WLS: variants seen among roughly 807,000 people sequenced by gnomAD.
The protein encoded by WLS is protein wntless homolog.
A neutral mutation model predicts 62.8 loss-of-function variants in WLS; 23 were observed. That is an observed-to-expected ratio of 0.37 (90% CI 0.26 to 0.52). The LOEUF (loss-of-function observed/expected upper bound fraction) is 0.52. Among genes scored for constraint, WLS ranks in the 20% least tolerant of loss-of-function variants. The probability of loss-of-function intolerance (pLI) is 0.92; values close to 1 mark genes in which losing one functional copy is unlikely to be tolerated. For missense variants in WLS, 615 were observed against 697.3 expected, an observed-to-expected ratio of 0.88 and a Z score of 1.33; for synonymous variants, 246 against 244.1, an observed-to-expected ratio of 1.01 and a Z score of -0.07.
intron 11 of WLS, among the ~76,000 whole-genome samples, chr1:68,101,745 G>A (rs1208269936): frequency 6.6e-6 from 1 of 152,144 alleles, no homozygotes; most frequent in East Asian, 1.9e-4. Flanking sequence ...GTCTCCCAAT[G>A]GTGAAAGTTC....
chr1:68,163,744 G>A (rs1647021146), intron 2 of WLS, among the ~76,000 whole-genome samples: 1 of 152,102 alleles, frequency 6.6e-6, no homozygotes, highest in Non-Finnish European at 1.5e-5. Flanking sequence ...CAGCCTTGAA[G>A]AAGTCTCAGT....
chr1:68,231,813 T>G, intron 1 of WLS: 1 of 462,250 alleles, frequency 2.2e-6, no homozygotes. Context: ...CCGGAGCTGA[T>G]TGGAAGGGAA....
chr1:68,155,055 G>A (rs1646877113), intron 4 of WLS, 44 bp downstream of exon 4: 1 of 1,587,198 alleles, frequency 6.3e-7, no homozygotes, highest in Non-Finnish European at 8.6e-7. Flanking sequence ...GTGAGATGGA[G>A]TTCCCCTCCA....
chr1:68,187,071 G>A, intron 2 of WLS, among the ~76,000 whole-genome samples: 1 of 151,376 alleles, frequency 6.6e-6, no homozygotes, highest in East Asian at 1.9e-4. Context: ...AATTAGCCGG[G>A]CGTGGTGGCA....
chr1:68,158,755 C>T (rs536521049), intron 3 of WLS, among the ~76,000 whole-genome samples: 2 of 152,314 alleles, frequency 1.3e-5, no homozygotes, highest in East Asian at 3.9e-4. Flanking sequence ...ACTCTTATCT[C>T]ATCTTGCAGA....
chr1:68,108,711 A>G (rs553810914), intron 11 of WLS, among the ~76,000 whole-genome samples: 6 of 152,322 alleles, frequency 3.9e-5, no homozygotes, highest in South Asian at 2.1e-4. Context: ...TAATAGCCAC[A>G]TGGAGCTAAT....
chr1:68,123,448 T>G (rs1646387508), downstream of WLS, among the ~76,000 whole-genome samples: 1 of 151,948 alleles, frequency 6.6e-6, no homozygotes, highest in South Asian at 2.1e-4. Flanking sequence ...GTCATCTGCT[T>G]GATGTTTTAC....
chr1:68,193,043 A>C (rs1323746026), intron 2 of WLS, among the ~76,000 whole-genome samples: 1 of 151,518 alleles, frequency 6.6e-6, no homozygotes, highest in Non-Finnish European at 1.5e-5. Context: ...CGGGAGGCGG[A>C]GATTGCAGTA....
At chr1:68,212,354 G>A (rs1649549676) in intron 1 of WLS, among the ~76,000 whole-genome samples, 1 of 152,082 alleles carries the variant, frequency 6.6e-6, no homozygotes, top group African/African-American at 2.4e-5. Context: ...TAAACCTTCT[G>A]GTCAATTCAC....
At chr1:68,172,924 G>A (rs1246706374) in intron 2 of WLS, among the ~76,000 whole-genome samples, 1 of 152,196 alleles carries the variant, frequency 6.6e-6, no homozygotes, top group Non-Finnish European at 1.5e-5. Flanking sequence ...CTTGCCCTGA[G>A]TGCTGCAGCA....
chr1:68,187,898 G>A (rs1227005438), intron 2 of WLS, among the ~76,000 whole-genome samples: 1 of 151,408 alleles, frequency 6.6e-6, no homozygotes, highest in Admixed American at 6.6e-5. Flanking sequence ...TTTCAATTTT[G>A]GTGGTATAAT....
intron 11 of WLS, among the ~76,000 whole-genome samples, chr1:68,109,342 A>G (rs1435686181): frequency 6.6e-6 from 1 of 152,262 alleles, no homozygotes; most frequent in Non-Finnish European, 1.5e-5. Flanking sequence ...GCAACAATAT[A>G]TGAGCACTCA....
rs563915102 is a variant in WLS at position 68,113,679 on chromosome 1, A to T, written c.1511-14926T>A. ...CAAGTCTGGTGTGTGGAGCAGCTGC[A>T]TCAGCACCTCCAGGGAGCATGTTAG... On this transcript the variant is annotated intron_variant, in intron 11 of 11. Coordinates refer to the WLS transcript ENST00000354777. Among the ~76,000 whole-genome samples, 159 of 152,290 alleles carry T rather than the reference A, an allele frequency of 1.0e-3. No homozygotes were observed. The South Asian group carries it at 0.013, about 13-fold the overall frequency.
chr1:68,131,037 C>T (rs971084175), intron 11 of WLS, among the ~76,000 whole-genome samples: 2 of 149,230 alleles, frequency 1.3e-5, no homozygotes, highest in African/African-American at 5.0e-5. Flanking sequence ...GGACTACAGG[C>T]GCATGCCACC....
Position 68,126,351 on chromosome 1 carries a change from C to T in WLS, c.1517-16G>A, listed in dbSNP as rs751343436. Reference sequence around the variant, plus strand: ...CCCAGATCGCCTGAAACAGGGTTTTCGGTGTTAGATGCATTCAAGGAGGAA... The same window carrying T: ...CCCAGATCGCCTGAAACAGGGTTTTTGGTGTTAGATGCATTCAAGGAGGAA... On this transcript the variant is annotated splice_polypyrimidine_tract_variant and intron_variant, in intron 11 of 11. Coordinates refer to ENST00000262348, the MANE Select transcript of WLS (RefSeq NM_024911.7). The T allele has an allele frequency of 1.3e-5, 21 of 1,613,644 alleles. No homozygotes were observed. Among genetic ancestry groups the T allele is most frequent in the South Asian group, 8.8e-5 (8 of 91,052 alleles).
intron 11 of WLS, among the ~76,000 whole-genome samples, chr1:68,101,394 A>G (rs35831313): frequency 0.068 from 10,400 of 152,266 alleles, 458 homozygotes; most frequent in Middle Eastern, 0.13. Flanking sequence ...AGGCCGCCCC[A>G]GAAAGGCTTT....
intron 2 of WLS, among the ~76,000 whole-genome samples, chr1:68,188,099 G>A (rs1648075852): frequency 6.6e-6 from 1 of 152,198 alleles, no homozygotes; most frequent in South Asian, 2.1e-4. Flanking sequence ...CCTGTGGCAA[G>A]TACCTGCCCA....
At chr1:68,104,649 C>T (rs1646121527) in intron 11 of WLS, among the ~76,000 whole-genome samples, 1 of 152,166 alleles carries the variant, frequency 6.6e-6, no homozygotes, top group Non-Finnish European at 1.5e-5. Context: ...ATGGCTTGCA[C>T]CTATAATCCC....
chr1:68,180,233 C>T (rs115969852), intron 2 of WLS, among the ~76,000 whole-genome samples: 1,547 of 151,830 alleles, frequency 0.01, 26 homozygotes, highest in African/African-American at 0.036. Flanking sequence ...ACCTTTTCAT[C>T]AGCAAACAAC....
Sources: gnomAD v4.1 joint callset for allele counts (sites outside exome capture counted in the v4.1 genomes callset) on GRCh38, gnomAD v4.1.1 for gene constraint, MANE v1.5 for transcripts, NCBI Gene and HGNC (gene_info 2026-07-23, HGNC 2026-07-21) for gene names.